JPH3: variants seen among roughly 807,000 people sequenced by gnomAD.
The protein encoded by JPH3 is junctophilin-3.
Under a neutral mutation model 59.6 loss-of-function variants are expected in JPH3, and 11 were observed. The ratio of observed to expected loss-of-function variants is 0.18; its 90% CI spans 0.12 to 0.31. The LOEUF is 0.31. Among genes scored for constraint, JPH3 ranks in the 10% least tolerant of loss-of-function variants. The probability of loss-of-function intolerance (pLI) is 1.00; values close to 1 mark genes in which losing one functional copy is unlikely to be tolerated. For missense variants in JPH3, 1,202 were observed against 1,105.7 expected, an observed-to-expected ratio of 1.09 and a Z score of -1.24; for synonymous variants, 673 against 483.6, an observed-to-expected ratio of 1.39 and a Z score of -5.14.
chr16:87,673,354 C>G (rs545066980), intron 2 of JPH3, among the ~76,000 whole-genome samples: 2 of 151,506 alleles, frequency 1.3e-5, no homozygotes, highest in Admixed American at 6.6e-5. Context: ...ACAGAAGATG[C>G]GAGGAAACAG....
At chr16:87,691,006 C>T (rs886212958) in intron 4 of JPH3, among the ~76,000 whole-genome samples, 1 of 152,110 alleles carries the variant, frequency 6.6e-6, no homozygotes, top group Admixed American at 6.5e-5. Flanking sequence ...AGGTTTCTCT[C>T]ACCCATGGGG....
intron 2 of JPH3, among the ~76,000 whole-genome samples, chr16:87,651,901 A>C (rs1019911851): frequency 3.3e-5 from 5 of 152,236 alleles, no homozygotes; most frequent in African/African-American, 1.2e-4. Context: ...AATGCTATCA[A>C]ATAGCATCAC....
chr16:87,635,609 A>T (rs1014093795), intron 1 of JPH3, among the ~76,000 whole-genome samples: 1 of 152,224 alleles, frequency 6.6e-6, no homozygotes, highest in African/African-American at 2.4e-5. Context: ...AGGCCATGCC[A>T]GCCTGGCAGA....
Position 87,690,087 on chromosome 16 carries a change from C to T in JPH3, c.1727C>T (p.Thr576Met), listed in dbSNP as rs570976769. 8 of 1,567,580 alleles carry T rather than the reference C, an allele frequency of 5.1e-6. No homozygotes were observed. In the African/African-American group the frequency reaches 6.8e-5, roughly 13 times the overall value. The change falls in exon 4 of 5, where the codon ACG becomes ATG. Residue 576 changes from threonine (T) to methionine (M), a missense_variant. Thr to Met is a moderately conservative substitution (Grantham distance 81). Transcript: ENST00000284262. ...PGNPKPRERRTESPPVFTWTS... is the reference protein window; with the variant it reads ...PGNPKPRERRMESPPVFTWTS... The stretch of plus-strand genomic sequence containing the variant: ...AACCCCAAGCCGCGGGAGCGGCGGA[C>T]GGAGTCACCCCCCGTGTTCACGTGG...
intron 3 of JPH3, among the ~76,000 whole-genome samples, chr16:87,688,762 C>T (rs1036358747): frequency 3.3e-5 from 5 of 152,162 alleles, no homozygotes; most frequent in East Asian, 1.9e-4. Flanking sequence ...TTGAGATGAA[C>T]GTGTAACTGT....
intron 2 of JPH3, among the ~76,000 whole-genome samples, chr16:87,667,270 C>T (rs148087684): frequency 6.6e-6 from 1 of 152,230 alleles, no homozygotes; most frequent in African/African-American, 2.4e-5. Flanking sequence ...TCTCAAGAGC[C>T]GTACCTTGAT....
At chr16:87,680,469 G>A (rs1040514249) in intron 2 of JPH3, among the ~76,000 whole-genome samples, 10 of 152,316 alleles carry the variant, frequency 6.6e-5, no homozygotes, top group South Asian at 2.1e-4. Flanking sequence ...GACTCAGAGC[G>A]GCTTGTGGGA....
intron 2 of JPH3, among the ~76,000 whole-genome samples, chr16:87,679,418 C>G (rs1267564749): frequency 6.6e-6 from 1 of 152,152 alleles, no homozygotes; most frequent in Admixed American, 6.5e-5. Context: ...AATGCACTTT[C>G]CAGGGAATGG....
intron 1 of JPH3, among the ~76,000 whole-genome samples, chr16:87,636,915 C>G (rs144784528): frequency 4.3e-4 from 65 of 152,274 alleles, no homozygotes; most frequent in African/African-American, 1.4e-3. Flanking sequence ...CCATAGTACG[C>G]GCAGCGCAGT....
intron 2 of JPH3, among the ~76,000 whole-genome samples, chr16:87,677,100 A>G (rs1245264021): frequency 1.3e-5 from 2 of 151,210 alleles, no homozygotes; most frequent in Non-Finnish European, 2.9e-5. Context: ...TGGAGCTTAC[A>G]GTGAGCTGAG....
chr16:87,657,543 A>G (rs1443670067), intron 2 of JPH3, among the ~76,000 whole-genome samples: 1 of 152,206 alleles, frequency 6.6e-6, no homozygotes, highest in African/African-American at 2.4e-5. Flanking sequence ...TTAAAGTGGC[A>G]AGTTTTATGT....
At chr16:87,696,159 A>T (rs1379823457) in intron 4 of JPH3, 1 of 457,878 alleles carries the variant, frequency 2.2e-6, no homozygotes, top group Non-Finnish European at 4.4e-6. Context: ...TGGCCATGGC[A>T]GCCATGCGGG....
intron 1 of JPH3, among the ~76,000 whole-genome samples, chr16:87,616,466 G>A (rs1334497833): frequency 1.3e-5 from 2 of 150,984 alleles, no homozygotes; most frequent in Non-Finnish European, 2.9e-5. Flanking sequence ...TAGCCAGGAT[G>A]GTCTTGATCT....
chr16:87,681,128 G>A (rs2033278851), intron 2 of JPH3, among the ~76,000 whole-genome samples: 2 of 152,030 alleles, frequency 1.3e-5, no homozygotes, highest in South Asian at 4.2e-4. Flanking sequence ...GGGAGGTCAG[G>A]TGCGCGCGGT....
intron 1 of JPH3, among the ~76,000 whole-genome samples, chr16:87,630,830 A>G (rs2031543355): frequency 6.6e-6 from 1 of 152,104 alleles, no homozygotes; most frequent in Admixed American, 6.5e-5. Flanking sequence ...GAGATTTTCA[A>G]TCCCTTAGAC....
At chr16:87,687,616 G>T (rs2033449375) in intron 3 of JPH3, among the ~76,000 whole-genome samples, 1 of 149,906 alleles carries the variant, frequency 6.7e-6, no homozygotes, top group African/African-American at 2.6e-5. Context: ...GACGCAGGTG[G>T]CTTGAAGGCA....
At chr16:87,639,623 G>T (rs66634807) in intron 1 of JPH3, among the ~76,000 whole-genome samples, 40,757 of 121,318 alleles carry the variant, frequency 0.34, 5,929 homozygotes, top group South Asian at 0.5. Flanking sequence ...CTCCCTCCTG[G>T]CCTCCCTCCT....
chr16:87,687,560 C>T (rs2033447841), intron 3 of JPH3, among the ~76,000 whole-genome samples: 1 of 152,204 alleles, frequency 6.6e-6, no homozygotes, highest in South Asian at 2.1e-4. Flanking sequence ...CCGGTGCCAT[C>T]CGCCCCCGCC....
At chr16:87,607,863 G>A (rs1017702545) in intron 1 of JPH3, among the ~76,000 whole-genome samples, 1 of 152,258 alleles carries the variant, frequency 6.6e-6, no homozygotes, top group Non-Finnish European at 1.5e-5. Flanking sequence ...AGTTGGAGAC[G>A]AAAGCGTTTT....
Sources: allele counts gnomAD v4.1 joint callset (sites outside exome capture counted in the v4.1 genomes callset), GRCh38; gene constraint gnomAD v4.1.1; transcripts MANE v1.5; gene names NCBI Gene and HGNC (gene_info 2026-07-23, HGNC 2026-07-21).